The following CATSPERT variants were observed in gnomAD, a reference collection of about 807,000 sequenced individuals.
CATSPERT encodes cation channel sperm-associated targeting subunit tau.
the CATSPERT span, among the ~76,000 whole-genome samples, chr2:201,559,288 C>A: frequency 5.3e-5 from 8 of 152,340 alleles, no homozygotes; most frequent in African/African-American, 1.9e-4. Context: ...GCTCCTCAGG[C>A]TACCTCCAGT....
the CATSPERT span, chr2:201,493,141 A>G: frequency 6.5e-7 from 1 of 1,527,018 alleles, no homozygotes; most frequent in Non-Finnish European, 8.8e-7. Context: ...GGATTTTAAC[A>G]TTATTTCATC....
At chr2:201,588,508 G>A in the CATSPERT span, among the ~76,000 whole-genome samples, 1 of 146,532 alleles carries the variant, frequency 6.8e-6, no homozygotes, top group Non-Finnish European at 1.5e-5. Context: ...AGAATAATAA[G>A]AAAGATATTA....
chr2:201,520,602 T>A, the CATSPERT span, among the ~76,000 whole-genome samples: 1 of 152,138 alleles, frequency 6.6e-6, no homozygotes, highest in Non-Finnish European at 1.5e-5. Flanking sequence ...TAAAGTTCAT[T>A]GAGGGTCAGG....
At chr2:201,616,672 A>G in the CATSPERT span, among the ~76,000 whole-genome samples, 1 of 152,032 alleles carries the variant, frequency 6.6e-6, no homozygotes, top group Non-Finnish European at 1.5e-5. Flanking sequence ...CTCTCTCACC[A>G]CTCCTATTCA....
chr2:201,563,482 C>T, the CATSPERT span, among the ~76,000 whole-genome samples: 1 of 137,374 alleles, frequency 7.3e-6, no homozygotes, highest in Admixed American at 7.3e-5. Flanking sequence ...CCCCACCTCC[C>T]TCCCGGACGG....
chr2:201,497,890 C>T, the CATSPERT span, among the ~76,000 whole-genome samples: 1 of 152,076 alleles, frequency 6.6e-6, no homozygotes, highest in African/African-American at 2.4e-5. Flanking sequence ...AAGAAAGAAC[C>T]ATGGCAATAC....
At chr2:201,592,259 T>C in the CATSPERT span, among the ~76,000 whole-genome samples, 1 of 150,508 alleles carries the variant, frequency 6.6e-6, no homozygotes, top group African/African-American at 2.4e-5. Context: ...TTGTCTTTGG[T>C]TCTGTTTATA....
the CATSPERT span, among the ~76,000 whole-genome samples, chr2:201,586,669 T>C: frequency 6.6e-6 from 1 of 152,126 alleles, no homozygotes; most frequent in Non-Finnish European, 1.5e-5. Context: ...CATAGAGTTA[T>C]ATATGGTATT....
the CATSPERT span, among the ~76,000 whole-genome samples, chr2:201,589,153 C>T: frequency 6.6e-6 from 1 of 152,108 alleles, no homozygotes; most frequent in Non-Finnish European, 1.5e-5. Flanking sequence ...TAGAAAGAAT[C>T]AATATCATTA....
the CATSPERT span, chr2:201,493,755 G>C: frequency 1.3e-6 from 2 of 1,537,080 alleles, no homozygotes; most frequent in Non-Finnish European, 1.7e-6. Flanking sequence ...TCATAATGTA[G>C]TCATGTACAG....
At chr2:201,519,012 C>T in the CATSPERT span, among the ~76,000 whole-genome samples, 1 of 152,174 alleles carries the variant, frequency 6.6e-6, no homozygotes, top group Non-Finnish European at 1.5e-5. Context: ...CACAATAACT[C>T]CTCATATACA....
At chr2:201,541,094 A>G in the CATSPERT span, among the ~76,000 whole-genome samples, 2 of 152,178 alleles carry the variant, frequency 1.3e-5, no homozygotes, top group African/African-American at 4.8e-5. Context: ...ATGTGAGTAA[A>G]CTGCTACAAT....
chr2:201,611,697 C>CAA, the CATSPERT span, among the ~76,000 whole-genome samples: 1,009 of 149,688 alleles, frequency 6.7e-3, 9 homozygotes, highest in South Asian at 0.032. Context: ...TATCAACAGT[C>CAA]AAAAAAAAAA....
the CATSPERT span, chr2:201,536,431 C>T: frequency 7.9e-7 from 1 of 1,272,200 alleles, no homozygotes; most frequent in South Asian, 1.7e-5. Context: ...TTTAGCATAA[C>T]AAATTACCAT....
At chr2:201,489,342 C>A in the CATSPERT span, among the ~76,000 whole-genome samples, 6 of 152,148 alleles carry the variant, frequency 3.9e-5, no homozygotes, top group Admixed American at 3.3e-4. Context: ...TTAAAAAATT[C>A]AGAAAATCCT....
At chr2:201,574,411 C>G in the CATSPERT span, 1 of 607,354 alleles carries the variant, frequency 1.6e-6, no homozygotes, top group Non-Finnish European at 2.6e-6. Flanking sequence ...TTTAAAAAAG[C>G]GTTTACACAA....
At chr2:201,577,284 C>T in the CATSPERT span, among the ~76,000 whole-genome samples, 1 of 152,048 alleles carries the variant, frequency 6.6e-6, no homozygotes, top group African/African-American at 2.4e-5. Context: ...GCCTCTGGTC[C>T]CAGGCTTTTT....
the CATSPERT span, among the ~76,000 whole-genome samples, chr2:201,574,046 T>G: frequency 2.0e-5 from 3 of 152,188 alleles, no homozygotes; most frequent in Admixed American, 2.0e-4. Flanking sequence ...TCATCTTTCT[T>G]TAGGCTGAAG....
the CATSPERT span, among the ~76,000 whole-genome samples, chr2:201,490,819 G>T: frequency 6.6e-6 from 1 of 152,100 alleles, no homozygotes; most frequent in African/African-American, 2.4e-5. Context: ...CGCCTCCCGG[G>T]TTCATGCCAT....
Sources: allele counts gnomAD v4.1 joint callset (sites outside exome capture counted in the v4.1 genomes callset), GRCh38; gene constraint gnomAD v4.1.1; transcripts MANE v1.5; gene names NCBI Gene and HGNC (gene_info 2026-07-23, HGNC 2026-07-21).